The following COG5 variants were observed in gnomAD, a reference collection of about 807,000 sequenced individuals.
COG5 encodes component of oligomeric golgi complex 5.
In COG5, 86 loss-of-function variants were observed where a neutral mutation model predicts 110.4. The ratio of observed to expected loss-of-function variants is 0.78; its 90% CI spans 0.65 to 0.93. The LOEUF (loss-of-function observed/expected upper bound fraction) is 0.93, where lower values mean the gene tolerates loss of function less well. Among genes scored for constraint, COG5 ranks in the 40% least tolerant of loss-of-function variants. COG5 has a pLI of 0.00. For missense variants in COG5, 1,077 were observed against 987.0 expected (o/e 1.09, Z -1.22); for synonymous variants, 360 against 334.6 (o/e 1.08, Z -0.83).
chr7:107,435,826 A>C (rs141664532), intron 6 of COG5, among the ~76,000 whole-genome samples: 167 of 152,356 alleles, frequency 1.1e-3, no homozygotes, highest in African/African-American at 3.8e-3. Flanking sequence ...CAGGGATTTG[A>C]ATAGGTATTT....
intron 14 of COG5, among the ~76,000 whole-genome samples, chr7:107,263,532 T>C (rs1275461520): frequency 6.6e-6 from 1 of 152,042 alleles, no homozygotes; most frequent in Middle Eastern, 3.4e-3. Flanking sequence ...ACAAGAAGAG[T>C]TGCATTTGAG....
At chr7:107,324,839 T>A (rs73726024) in intron 10 of COG5, among the ~76,000 whole-genome samples, 3 of 152,286 alleles carry the variant, frequency 2.0e-5, no homozygotes, top group African/African-American at 7.2e-5. Flanking sequence ...ATTATGAGGA[T>A]TAAACAAATT....
intron 6 of COG5, among the ~76,000 whole-genome samples, chr7:107,498,675 A>T (rs1444558398): frequency 6.6e-6 from 1 of 152,196 alleles, no homozygotes; most frequent in African/African-American, 2.4e-5. Flanking sequence ...AGAAATTGGA[A>T]TCGTTTTACA....
rs992457123 is a variant in COG5, at chr7:107,463,023, A to T, written c.539-50391T>A. Among the ~76,000 whole-genome samples the T allele has an allele frequency of 5.3e-5, 8 of 152,308 alleles. No homozygotes were observed. The South Asian group carries it at 1.7e-3, about 32-fold the overall frequency. On this transcript the variant is annotated intron_variant, in intron 6 of 21. Coordinates refer to ENST00000297135, the MANE Select transcript of COG5 (RefSeq NM_006348.5). ...CTATAAGAATGGAGTGATGGAACAC[A>T]CTCTCACTTTTCTGTAGCTGGCACT...
chr7:107,427,517 G>C (rs965399781), intron 6 of COG5, among the ~76,000 whole-genome samples: 1 of 151,940 alleles, frequency 6.6e-6, no homozygotes, highest in African/African-American at 2.4e-5. Flanking sequence ...TTAACCCTCA[G>C]TACCTGTAAA....
At chr7:107,553,821 G>T (rs2129176680) in intron 3 of COG5, among the ~76,000 whole-genome samples, 1 of 152,254 alleles carries the variant, frequency 6.6e-6, no homozygotes. Context: ...AGTCACTCTG[G>T]TATTGTTGAT....
intron 12 of COG5, among the ~76,000 whole-genome samples, chr7:107,295,093 ATATATATATT>A (rs1246550023): frequency 6.9e-4 from 53 of 77,142 alleles, no homozygotes; most frequent in Middle Eastern, 6.3e-3. Context: ...ATATATATAT[ATATATATATT>A]TTTTTTTTTT....
In COG5 at chr7:107,527,470, T is replaced by C. The variant is rs145379308; in HGVS notation, c.418-113A>G. 766 of 1,128,426 alleles carry C rather than the reference T, an allele frequency of 6.8e-4. 12 individuals are homozygous for C. The East Asian group carries it at 0.02, about 29-fold the overall frequency. 69.9% of individuals were successfully genotyped at this position (1,128,426 alleles called of 1,614,324 possible). A position where few individuals can be genotyped will look rare whatever the true frequency, so the allele number is the denominator to read the frequency against. On this transcript the variant is annotated intron_variant, in intron 5 of 21. Transcript: ENST00000297135. The stretch of plus-strand genomic sequence containing the variant: ...AGGTGCAGCAAACCACCATGGCACA[T>C]GTTTACCTATGTAACAAACCTGCAC...
At chr7:107,336,754 A>T (rs765664585) in intron 10 of COG5, among the ~76,000 whole-genome samples, 6 of 152,214 alleles carry the variant, frequency 3.9e-5, no homozygotes, top group African/African-American at 7.2e-5. Context: ...AATTTTAAAC[A>T]AAATGATGTA....
chr7:107,367,093 T>TG (rs3831564), intron 8 of COG5, among the ~76,000 whole-genome samples: 96,931 of 151,762 alleles, frequency 0.64, 33,169 homozygotes, highest in African/African-American at 0.91. Context: ...CTCCTACATT[T>TG]TGTCTCATTT....
chr7:107,403,760 T>TC (rs1791611226), intron 7 of COG5, among the ~76,000 whole-genome samples: 1 of 152,064 alleles, frequency 6.6e-6, no homozygotes, highest in Non-Finnish European at 1.5e-5. Flanking sequence ...CCTGTTTACC[T>TC]CCCAAAGGCC....
intron 11 of COG5, among the ~76,000 whole-genome samples, chr7:107,302,506 T>G (rs1359571349): frequency 1.3e-5 from 2 of 152,194 alleles, no homozygotes; most frequent in Non-Finnish European, 2.9e-5. Context: ...ATTGTATACT[T>G]TCAAGACGTG....
At chr7:107,295,795 T>C (rs1806688262) in intron 12 of COG5, among the ~76,000 whole-genome samples, 1 of 152,154 alleles carries the variant, frequency 6.6e-6, no homozygotes, top group South Asian at 2.1e-4. Context: ...TACTGTTTTA[T>C]TTTATTTATT....
At chr7:107,224,492 G>A (rs898309374) in intron 19 of COG5, among the ~76,000 whole-genome samples, 3 of 152,334 alleles carry the variant, frequency 2.0e-5, no homozygotes, top group Non-Finnish European at 2.9e-5. Flanking sequence ...AGCTGGAAAT[G>A]AGCTTCCAGC....
At chr7:107,467,831 C>T (rs777924917) in intron 6 of COG5, among the ~76,000 whole-genome samples, 8 of 152,050 alleles carry the variant, frequency 5.3e-5, no homozygotes, top group Non-Finnish European at 1.2e-4. Flanking sequence ...GCACTGTACA[C>T]AATAAAAAAA....
chr7:107,440,211 G>A (rs62482543), intron 6 of COG5, among the ~76,000 whole-genome samples: 40,309 of 151,900 alleles, frequency 0.27, 5,479 homozygotes, highest in East Asian at 0.33. Flanking sequence ...TTGTTGTATC[G>A]CTAGTGCTTA....
chr7:107,281,461 C>A, intron 13 of COG5, 62 bp from the exon 14 acceptor site: 1 of 1,246,884 alleles, frequency 8.0e-7, no homozygotes, highest in Non-Finnish European at 1.2e-6. Flanking sequence ...AAGTAAAGAG[C>A]AAGATAAAAA....
At chr7:107,407,367 C>T (rs1394728478) in intron 7 of COG5, among the ~76,000 whole-genome samples, 1 of 151,944 alleles carries the variant, frequency 6.6e-6, no homozygotes, top group African/African-American at 2.4e-5. Context: ...GGGCAACAAG[C>T]GCAAAACTCC....
chr7:107,228,517 T>C (rs1800532785), intron 19 of COG5, among the ~76,000 whole-genome samples: 1 of 152,070 alleles, frequency 6.6e-6, no homozygotes, highest in South Asian at 2.1e-4. Flanking sequence ...TAAAGTAACT[T>C]TTATGGTACA....
Sources: allele counts gnomAD v4.1 joint callset (sites outside exome capture counted in the v4.1 genomes callset), GRCh38; gene constraint gnomAD v4.1.1; transcripts MANE v1.5; gene names NCBI Gene and HGNC (gene_info 2026-07-23, HGNC 2026-07-21).